Variants in DOCK3 observed in about 807,000 individuals in gnomAD.
DOCK3 encodes the protein dedicator of cytokinesis protein 3.
A neutral mutation model predicts 265.6 loss-of-function variants in DOCK3; 60 were observed. The observed-to-expected ratio is 0.23, with a 90% CI of 0.18 to 0.28. The LOEUF is 0.28. Ranked by LOEUF, DOCK3 falls within the 10% of genes least tolerant of loss-of-function variation. The pLI is 1.00. For missense variants in DOCK3, 1,981 were observed against 2,594.3 expected (o/e 0.76, Z 5.14); for synonymous variants, 881 against 938.0 (o/e 0.94, Z 1.11).
At position 51,375,843 on chromosome 3, in the gene DOCK3, T is replaced by G; in HGVS notation, c.5500+8T>G. 6.2e-7 allele frequency: 1 copy of G among 1,613,966 alleles called. No homozygotes were observed. The highest frequency in any genetic ancestry group is 8.5e-7 in the Non-Finnish European group (1 of 1,179,860). Reference sequence around the variant, plus strand: ...TGTCTGTGGCTGAAAAAGGTATTGTTGCCCAGGTGGCCTTCCCCCCATGTC... The same window carrying G: ...TGTCTGTGGCTGAAAAAGGTATTGTGGCCCAGGTGGCCTTCCCCCCATGTC... On this transcript the variant is annotated splice_region_variant and intron_variant, in intron 51 of 52. Coordinates refer to ENST00000266037, the MANE Select transcript of DOCK3 (RefSeq NM_004947.5).
chr3:51,229,436 G>A (rs942712166), intron 18 of DOCK3, 76 bp from the exon 19 acceptor site: 1 of 1,110,334 alleles, frequency 9.0e-7, no homozygotes, highest in Admixed American at 3.0e-5. Flanking sequence ...GGGCAACAGA[G>A]TGAGACTCCG....
At chr3:50,952,545 A>G (rs1302934012) in intron 5 of DOCK3, among the ~76,000 whole-genome samples, 4 of 152,242 alleles carry the variant, frequency 2.6e-5, no homozygotes, top group African/African-American at 9.6e-5. Context: ...ATAAATACCT[A>G]TTTACTAACT....
chr3:50,787,026 C>T (rs1476760918), intron 2 of DOCK3: 3 of 740,704 alleles, frequency 4.1e-6, no homozygotes, highest in Non-Finnish European at 7.7e-6. Context: ...TCACAAATTT[C>T]ACAGGAAAAT....
At chr3:51,339,398 A>G (rs1399738540) in intron 37 of DOCK3, among the ~76,000 whole-genome samples, 1 of 152,136 alleles carries the variant, frequency 6.6e-6, no homozygotes, top group Non-Finnish European at 1.5e-5. Flanking sequence ...AGGACTTTCA[A>G]AGCTGGAGCT....
At position 51,341,367 on chromosome 3, in the gene DOCK3, C is replaced by T. The variant is rs774136609; in HGVS notation, c.3897C>T (p.His1299=). ...RKEGLCRKII[H]YFNKGKSWEF... ...AGGGACTGTGCCGGAAGATCATTCA[C>T]TACTTCAACAAAGGCAAGGTATGCA... The change falls in exon 38 of 53, where the codon CAC becomes CAT. Residue 1299 remains histidine, a synonymous_variant. Transcript: ENST00000266037. The T allele has an allele frequency of 6.2e-7, 1 of 1,613,842 alleles. No homozygotes were observed. Among genetic ancestry groups the T allele is most frequent in the Admixed American group, 1.7e-5 (1 of 60,008 alleles).
chr3:51,178,398 C>T (rs2087089004), intron 12 of DOCK3, among the ~76,000 whole-genome samples: 2 of 152,168 alleles, frequency 1.3e-5, no homozygotes, highest in African/African-American at 2.4e-5. Flanking sequence ...AGGACCAGCC[C>T]CTGATTTCCT....
intron 1 of DOCK3, among the ~76,000 whole-genome samples, chr3:50,686,181 G>A (rs2034783880): frequency 4.0e-5 from 6 of 151,868 alleles, no homozygotes; most frequent in Admixed American, 3.3e-4. Flanking sequence ...TCCCATCTGG[G>A]GGTGACGGAA....
intron 23 of DOCK3, among the ~76,000 whole-genome samples, chr3:51,264,774 C>G (rs931405362): frequency 6.6e-6 from 1 of 151,468 alleles, no homozygotes; most frequent in South Asian, 2.1e-4. Flanking sequence ...TTGCAGTGAG[C>G]CAAGATCGCG....
intron 9 of DOCK3, among the ~76,000 whole-genome samples, chr3:51,103,347 G>A (rs1372832734): frequency 6.6e-6 from 1 of 152,106 alleles, no homozygotes. Flanking sequence ...GAACAGAAGA[G>A]ATAAATTCTA....
intron 4 of DOCK3, among the ~76,000 whole-genome samples, chr3:50,892,540 G>A (rs369352735): frequency 6.6e-4 from 100 of 152,214 alleles, no homozygotes; most frequent in African/African-American, 2.4e-3. Context: ...GACTCTTCCA[G>A]TGGGGCAAAG....
chr3:50,928,128 GATATATATAT>G (rs35440218), intron 4 of DOCK3, among the ~76,000 whole-genome samples: 3 of 142,906 alleles, frequency 2.1e-5, no homozygotes, highest in Admixed American at 7.0e-5. Flanking sequence ...TTATTGTGAT[GATATATATAT>G]ATATATATAT....
chr3:50,712,420 C>T (rs1203058508), intron 1 of DOCK3, among the ~76,000 whole-genome samples: 3 of 152,298 alleles, frequency 2.0e-5, no homozygotes, highest in Admixed American at 6.5e-5. Context: ...TCACTGCAAC[C>T]TCTGTCTCCC....
chr3:51,014,254 G>T (rs890004469), intron 5 of DOCK3, among the ~76,000 whole-genome samples: 3 of 151,872 alleles, frequency 2.0e-5, no homozygotes, highest in Admixed American at 6.6e-5. Flanking sequence ...TGTTGATCAC[G>T]CTTGGAGCTG....
chr3:50,915,929 T>A (rs920176275), intron 4 of DOCK3, among the ~76,000 whole-genome samples: 6 of 151,890 alleles, frequency 4.0e-5, no homozygotes, highest in African/African-American at 1.5e-4. Flanking sequence ...TAACAGTTGC[T>A]CTCAACTTAG....
At chr3:51,065,601 C>G (rs2081562974) in intron 6 of DOCK3, among the ~76,000 whole-genome samples, 1 of 152,116 alleles carries the variant, frequency 6.6e-6, no homozygotes, top group Non-Finnish European at 1.5e-5. Flanking sequence ...AGAAACCTGG[C>G]CAGGTATTTC....
chr3:51,362,260 G>C (rs2086791859), intron 48 of DOCK3, among the ~76,000 whole-genome samples: 1 of 152,178 alleles, frequency 6.6e-6, no homozygotes, highest in African/African-American at 2.4e-5. Context: ...TCCTCTGCCA[G>C]ATTGCCCCCT....
intron 3 of DOCK3, among the ~76,000 whole-genome samples, chr3:50,847,681 C>G (rs963599686): frequency 1.3e-5 from 2 of 151,856 alleles, no homozygotes; most frequent in Admixed American, 6.6e-5. Flanking sequence ...GCCAGGAGTT[C>G]AAGACTAGCC....
chr3:50,716,625 GGTTAT>G (rs959660462), intron 1 of DOCK3, among the ~76,000 whole-genome samples: 1 of 150,516 alleles, frequency 6.6e-6, no homozygotes, highest in East Asian at 1.9e-4. Context: ...TTTATGTTTT[GGTTAT>G]GTTTATGTTT....
chr3:50,933,865 C>G, intron 4 of DOCK3, 116 bp from the exon 5 acceptor site: 1 of 626,546 alleles, frequency 1.6e-6, no homozygotes, highest in Non-Finnish European at 2.7e-6. Context: ...AGATATACTT[C>G]TTTTTTATTT....
Sources: gnomAD v4.1 joint callset for allele counts (sites outside exome capture counted in the v4.1 genomes callset) on GRCh38, gnomAD v4.1.1 for gene constraint, MANE v1.5 for transcripts, NCBI Gene and HGNC (gene_info 2026-07-23, HGNC 2026-07-21) for gene names.